Variants in ZNF618 observed in about 807,000 individuals in gnomAD.
The protein encoded by ZNF618 is neural precursor cell expressed, developmentally down-regulated 10.
In ZNF618, 34 loss-of-function variants were observed where a neutral mutation model predicts 103.0. That is an observed-to-expected ratio of 0.33 (90% CI 0.25 to 0.44). The LOEUF is 0.44. ZNF618 is among the 20% of genes least tolerant of loss of function. The probability of loss-of-function intolerance (pLI) is 1.00; values close to 1 mark genes in which losing one functional copy is unlikely to be tolerated. For synonymous variants in ZNF618, 551 were observed against 542.2 expected (o/e 1.02, Z -0.23); for missense variants, 1,059 against 1,295.4 (o/e 0.82, Z 2.80).
chr9:113,982,257 C>G (rs1397413701), intron 2 of ZNF618, among the ~76,000 whole-genome samples: 1 of 152,204 alleles, frequency 6.6e-6, no homozygotes, highest in Non-Finnish European at 1.5e-5. Flanking sequence ...TTATACACTC[C>G]TTGGGGTCAG....
chr9:113,942,774 T>C (rs1834663797), intron 1 of ZNF618, among the ~76,000 whole-genome samples: 2 of 152,230 alleles, frequency 1.3e-5, no homozygotes, highest in African/African-American at 4.8e-5. Flanking sequence ...AAAACTGGTT[T>C]AGAACCATTG....
chr9:113,903,712 T>C (rs987930431), intron 1 of ZNF618, among the ~76,000 whole-genome samples: 1 of 152,156 alleles, frequency 6.6e-6, no homozygotes, highest in African/African-American at 2.4e-5. Context: ...TTGACAGGGT[T>C]TTTTGTTTGT....
chr9:113,921,963 G>A (rs956563957), intron 1 of ZNF618, among the ~76,000 whole-genome samples: 10 of 151,894 alleles, frequency 6.6e-5, no homozygotes, highest in African/African-American at 2.4e-4. Flanking sequence ...AAGTTCCAAT[G>A]AGCAAAAAGG....
intron 1 of ZNF618, among the ~76,000 whole-genome samples, chr9:113,887,746 G>A (rs561993122): frequency 4.8e-4 from 73 of 152,312 alleles, no homozygotes; most frequent in Non-Finnish European, 9.3e-4. Context: ...CAGGCGGGTA[G>A]CAGCAGTCTG....
At chr9:113,959,287 CA>C (rs61697954) in intron 1 of ZNF618, among the ~76,000 whole-genome samples, 260 of 142,166 alleles carry the variant, frequency 1.8e-3, no homozygotes, top group Non-Finnish European at 2.7e-3. Flanking sequence ...AACTCTGTCT[CA>C]AAAAAAAAAA....
At chr9:113,886,487 AT>A (rs372714690) in intron 1 of ZNF618, among the ~76,000 whole-genome samples, 388 of 151,188 alleles carry the variant, frequency 2.6e-3, no homozygotes, top group Non-Finnish European at 4.1e-3. Flanking sequence ...ATGTTGGGGA[AT>A]TTTTTTTTTC....
chr9:113,899,357 G>T (rs1480762436), intron 1 of ZNF618, among the ~76,000 whole-genome samples: 1 of 152,118 alleles, frequency 6.6e-6, no homozygotes. Context: ...GTGTGACTTA[G>T]ATCAGGGGTC....
chr9:113,911,629 G>A (rs1033999230), intron 1 of ZNF618, among the ~76,000 whole-genome samples: 5 of 152,012 alleles, frequency 3.3e-5, no homozygotes, highest in Admixed American at 2.0e-4. Context: ...GTGCCTGGCC[G>A]GTATTGTTTT....
intron 9 of ZNF618, among the ~76,000 whole-genome samples, chr9:114,013,424 ATTTATTT>A (rs1188717481): frequency 7.2e-5 from 11 of 152,106 alleles, no homozygotes; most frequent in African/African-American, 1.7e-4. Flanking sequence ...TGAGGGTTTT[ATTTATTT>A]TTTATTTTTT....
At chr9:114,002,353 C>G (rs1452632478) in intron 5 of ZNF618, among the ~76,000 whole-genome samples, 1 of 152,238 alleles carries the variant, frequency 6.6e-6, no homozygotes, top group Non-Finnish European at 1.5e-5. Context: ...CCCAGGACAT[C>G]TCATCACTGC....
intron 9 of ZNF618, among the ~76,000 whole-genome samples, chr9:114,014,928 TC>T (rs774434841): frequency 1.3e-5 from 2 of 152,298 alleles, no homozygotes; most frequent in South Asian, 4.1e-4. Context: ...AAGATTTTGA[TC>T]CCATGAGCTT....
chr9:114,041,484 C>A (rs1433515750), intron 13 of ZNF618, among the ~76,000 whole-genome samples: 1 of 152,098 alleles, frequency 6.6e-6, no homozygotes, highest in East Asian at 1.9e-4. Context: ...AGTCTTTAAC[C>A]CATCTTGAAT....
chr9:113,905,657 T>C (rs956751568), intron 1 of ZNF618, among the ~76,000 whole-genome samples: 2 of 152,356 alleles, frequency 1.3e-5, no homozygotes, highest in Non-Finnish European at 2.9e-5. Flanking sequence ...GCTCTGAGAA[T>C]GGTTCTGCTT....
intron 1 of ZNF618, among the ~76,000 whole-genome samples, chr9:113,898,548 T>C (rs1174873849): frequency 6.7e-6 from 1 of 149,188 alleles, no homozygotes; most frequent in Non-Finnish European, 1.5e-5. Context: ...TGCCTCAGCC[T>C]CCTGAGGAGC....
chr9:114,018,189 T>C (rs1842798878), intron 10 of ZNF618, among the ~76,000 whole-genome samples: 1 of 152,222 alleles, frequency 6.6e-6, no homozygotes, highest in South Asian at 2.1e-4. Context: ...GTACCCGCCA[T>C]AGAGCCAGAT....
chr9:114,020,837 A>G (rs1000607741), intron 10 of ZNF618, among the ~76,000 whole-genome samples: 16 of 151,974 alleles, frequency 1.1e-4, no homozygotes, highest in African/African-American at 3.9e-4. Flanking sequence ...ACAATGTTGA[A>G]TAGAAGAAAT....
At chr9:113,894,029 A>G (rs541047240) in intron 1 of ZNF618, among the ~76,000 whole-genome samples, 13 of 152,352 alleles carry the variant, frequency 8.5e-5, no homozygotes, top group South Asian at 2.1e-4. Flanking sequence ...AAAAAGAGTC[A>G]TAATACCACA....
At chr9:114,025,161 AG>A (rs1397005726) in intron 10 of ZNF618, among the ~76,000 whole-genome samples, 1 of 152,192 alleles carries the variant, frequency 6.6e-6, no homozygotes, top group East Asian at 1.9e-4. Context: ...TCTCTTTCTA[AG>A]ATGAAGATTC....
intron 13 of ZNF618, among the ~76,000 whole-genome samples, chr9:114,041,744 G>T (rs1039111783): frequency 1.3e-5 from 2 of 152,208 alleles, no homozygotes; most frequent in African/African-American, 4.8e-5. Context: ...TTGTAGTATA[G>T]TTTGAAGTCA....
Sources: allele counts gnomAD v4.1 joint callset (sites outside exome capture counted in the v4.1 genomes callset), GRCh38; gene constraint gnomAD v4.1.1; transcripts MANE v1.5; gene names NCBI Gene and HGNC (gene_info 2026-07-23, HGNC 2026-07-21).